Variants in ADGRG1 observed in about 807,000 individuals in gnomAD.
ADGRG1 encodes the protein adhesion G protein-coupled receptor G1, also known as 7-transmembrane protein with no EGF-like N-terminal domains-1.
In ADGRG1, 53 loss-of-function variants were observed where a neutral mutation model predicts 73.5. The observed-to-expected ratio is 0.72, with a 90% CI of 0.58 to 0.91. The LOEUF (loss-of-function observed/expected upper bound fraction) is 0.91, where lower values mean the gene tolerates loss of function less well. ADGRG1 is among the 40% of genes least tolerant of loss of function. The pLI, the probability that ADGRG1 is intolerant of heterozygous loss-of-function variation, is 0.00. For missense variants in ADGRG1, 795 were observed against 871.8 expected, an observed-to-expected ratio of 0.91 and a Z score of 1.11; for synonymous variants, 394 against 374.4, an observed-to-expected ratio of 1.05 and a Z score of -0.60.
rs550738491 is a variant in ADGRG1, at chr16:57,663,115, G to A, written c.1934-337G>A. On this transcript the variant is annotated intron_variant, in intron 13 of 13. Coordinates refer to ENST00000562631, the MANE Select transcript of ADGRG1 (RefSeq NM_201525.4). The stretch of plus-strand genomic sequence containing the variant: ...TGCAAAATCTCACAGTGCTTAAGTG[G>A]GTGGACTTCAGAGCCTGTTCACCAC... 220 of 976,936 alleles carry A rather than the reference G, an allele frequency of 2.3e-4. No individual in the cohort carries two copies. The African/African-American group carries it at 3.5e-3, about 16-fold the overall frequency. The allele number at this position is 976,936 out of a possible 1,614,324, so 60.5% of individuals were successfully genotyped here.
intron 1 of ADGRG1, among the ~76,000 whole-genome samples, chr16:57,644,743 C>T (rs1430520990): frequency 2.3e-5 from 3 of 131,656 alleles, no homozygotes; most frequent in South Asian, 2.5e-4. Context: ...ACTGATCACA[C>T]GTATGCACGG....
chr16:57,625,953 T>C (rs1400654004), upstream of ADGRG1, among the ~76,000 whole-genome samples: 1 of 152,184 alleles, frequency 6.6e-6, no homozygotes, highest in Non-Finnish European at 1.5e-5. Flanking sequence ...CTCCTTCAGG[T>C]CCCAGCAGGG....
chr16:57,654,419 C>G (rs1378137252), intron 5 of ADGRG1, among the ~76,000 whole-genome samples: 2 of 134,514 alleles, frequency 1.5e-5, no homozygotes, highest in Non-Finnish European at 3.2e-5. Context: ...ACCCCCCCCC[C>G]CCGTTTTTTT....
Position 57,631,373 on chromosome 16 carries a change from G to T in ADGRG1, c.-36+2571G>T, listed in dbSNP as rs149369774. On this transcript the variant is annotated intron_variant, in intron 1 of 13. Coordinates refer to ENST00000562631, the MANE Select transcript of ADGRG1 (RefSeq NM_201525.4). ...CCTGTGCAGAAGCTGTGTGCAGGTG[G>T]GGTCTGGGGGGCTGTGCCATTTCAG... 114 of 985,920 alleles carry T rather than the reference G, an allele frequency of 1.2e-4. 1 individual carries two copies. The East Asian group carries it at 9.9e-3, about 85-fold the overall frequency. The allele number at this position is 985,920 out of a possible 1,614,324, so 61.1% of individuals were successfully genotyped here.
upstream of ADGRG1, among the ~76,000 whole-genome samples, chr16:57,620,621 T>G (rs2146929372): frequency 6.6e-6 from 1 of 152,194 alleles, no homozygotes; most frequent in Non-Finnish European, 1.5e-5. Flanking sequence ...GCAGCCTCCC[T>G]TAGCGAGCCA....
intron 11 of ADGRG1, chr16:57,660,506 A>G (rs752820140): frequency 4.0e-6 from 3 of 744,898 alleles, no homozygotes; most frequent in Non-Finnish European, 4.9e-6. Flanking sequence ...AGAGACCCAC[A>G]GGCCTTTCTC....
chr16:57,663,349 A>G (rs2047718547), intron 13 of ADGRG1, 103 bp from the exon 14 acceptor site: 2 of 1,560,026 alleles, frequency 1.3e-6, no homozygotes, highest in Admixed American at 1.9e-5. Context: ...GGCAAACACT[A>G]TGGAGAGGTG....
At chr16:57,635,698 C>G (rs1425854522) in intron 1 of ADGRG1, 8 of 985,222 alleles carry the variant, frequency 8.1e-6, no homozygotes, top group Middle Eastern at 5.2e-4. Context: ...CTGAGCCTCC[C>G]TTTCCCTCTC....
intron 1 of ADGRG1, chr16:57,635,078 C>G: frequency 1.0e-6 from 1 of 985,252 alleles, no homozygotes; most frequent in East Asian, 1.1e-4. Context: ...CAGGGAGAGG[C>G]TGAGGGAGGT....
rs1240227167 is a variant in ADGRG1 at position 57,664,395 on chromosome 16, CCCTCTGT to C, written c.*816_*822del. 3 of 152,346 alleles carry C rather than the reference CCCTCTGT, an allele frequency of 2.0e-5. No homozygotes were observed. The highest frequency in any genetic ancestry group is 4.4e-5 in the Non-Finnish European group (3 of 68,168). The allele number at this position is 152,346 out of a possible 1,614,324, so 9.4% of individuals were successfully genotyped here. On this transcript the variant is annotated 3_prime_UTR_variant, in exon 14 of 14. Transcript: ENST00000562631. The stretch of plus-strand genomic sequence containing the variant: ...TACCGATGCGTGGGCTGGGCTAGGT[CCCTCTGT>C]CCATCTGGGCCTTTGTATGAGCTGC...
chr16:57,643,884 C>T (rs2041513647), intron 1 of ADGRG1: 4 of 431,760 alleles, frequency 9.3e-6, no homozygotes, highest in Middle Eastern at 1.3e-3. Flanking sequence ...CCCATGGGTG[C>T]GGCTGAGGGG....
chr16:57,632,571 T>C (rs1317515643), intron 1 of ADGRG1, among the ~76,000 whole-genome samples: 2 of 152,226 alleles, frequency 1.3e-5, no homozygotes, highest in African/African-American at 2.4e-5. Context: ...TGAGCACTTC[T>C]CCCTGCCCCC....
chr16:57,656,352 T>A, intron 8 of ADGRG1, 81 bp downstream of exon 8: 3 of 1,611,384 alleles, frequency 1.9e-6, no homozygotes, highest in Non-Finnish European at 2.5e-6. Context: ...GTGGGGTTAA[T>A]CACCGAGGGC....
At chr16:57,653,615 C>G in intron 4 of ADGRG1, 1 of 981,286 alleles carries the variant, frequency 1.0e-6, no homozygotes, top group Admixed American at 6.1e-5. Flanking sequence ...CAGACCAAGG[C>G]TCAGAGACGG....
chr16:57,656,726 G>T, intron 9 of ADGRG1, 109 bp downstream of exon 9: 2 of 789,238 alleles, frequency 2.5e-6, no homozygotes, highest in Non-Finnish European at 4.6e-6. Flanking sequence ...GCTCTCCAAG[G>T]TAGCTTCTAT....
intron 12 of ADGRG1, 38 bp downstream of exon 12, chr16:57,660,914 C>G (rs1383640926): frequency 8.0e-7 from 1 of 1,246,838 alleles, no homozygotes; most frequent in Non-Finnish European, 1.2e-6. Flanking sequence ...GAAGGTGGGT[C>G]TCTGGGCACA....
rs1011547874 is a variant in ADGRG1 at position 57,653,234 on chromosome 16, G to C, written c.519G>C (p.Ser173=). The change falls in exon 4 of 14, where the codon TCG becomes TCC. Residue 173 remains serine (S), a synonymous_variant. Coordinates refer to ENST00000562631, the MANE Select transcript of ADGRG1 (RefSeq NM_201525.4). ...CCCACACGGCCGCTCACAATGCCTC[G>C]GTGGACATGTGCGAGCTCAAAAGGG... ...SPPHTAAHNA[S]VDMCELKRDL... is the part of the protein sequence containing the mutation. 9 of 1,611,772 alleles carry C rather than the reference G, an allele frequency of 5.6e-6. No individual in the cohort carries two copies. Among genetic ancestry groups the C allele is most frequent in the African/African-American group, 2.7e-5 (2 of 74,898 alleles).
Position 57,651,479 on chromosome 16 carries a change from A to G in ADGRG1, c.344A>G (p.Lys115Arg). 3 of 1,614,196 alleles carry G rather than the reference A, an allele frequency of 1.9e-6. No homozygotes were observed. Among genetic ancestry groups the G allele is most frequent in the Non-Finnish European group, 2.5e-6 (3 of 1,180,038 alleles). Residue 115 changes from lysine to arginine, a missense_variant, in exon 3 of 14, where the codon AAA becomes AGA. Coordinates refer to ENST00000562631, the MANE Select transcript of ADGRG1 (RefSeq NM_201525.4). The part of the protein sequence containing the change: ...YGKRDFLLSD[K>R]ASSLLCFQHQ... Reference sequence around the variant, plus strand: ...AAGCGTGACTTCTTGCTGAGTGACAAAGCCTCTAGCCTCCTCTGCTTCCAG... The same window carrying G: ...AAGCGTGACTTCTTGCTGAGTGACAGAGCCTCTAGCCTCCTCTGCTTCCAG...
intron 5 of ADGRG1, 143 bp from the exon 6 acceptor site, chr16:57,655,256 A>G (rs2045393003): frequency 1.9e-6 from 3 of 1,560,396 alleles, no homozygotes; most frequent in Admixed American, 1.7e-5. Flanking sequence ...GAGGGCTGTC[A>G]TGAGTCAGGC....
Sources: gnomAD v4.1 joint callset for allele counts (sites outside exome capture counted in the v4.1 genomes callset) on GRCh38, gnomAD v4.1.1 for gene constraint, MANE v1.5 for transcripts, NCBI Gene and HGNC (gene_info 2026-07-23, HGNC 2026-07-21) for gene names.